TRIP4: variants seen among roughly 807,000 people sequenced by gnomAD.
TRIP4 encodes the protein thyroid hormone receptor interactor 4.
Under a neutral mutation model 81.8 loss-of-function variants are expected in TRIP4, and 54 were observed. The observed-to-expected ratio is 0.66, with a 90% CI of 0.53 to 0.83. The LOEUF is 0.83. TRIP4 is among the 40% of genes least tolerant of loss of function. The probability of loss-of-function intolerance (pLI) is 0.00; values close to 1 mark genes in which losing one functional copy is unlikely to be tolerated. For missense variants in TRIP4, 662 were observed against 683.6 expected (o/e 0.97, Z 0.35); for synonymous variants, 270 against 242.8 (o/e 1.11, Z -1.04).
intron 1 of TRIP4, among the ~76,000 whole-genome samples, chr15:64,392,170 C>T (rs1047180750): frequency 1.3e-5 from 2 of 151,292 alleles, no homozygotes; most frequent in African/African-American, 2.4e-5. Context: ...TGGTTGTGCA[C>T]GCCTGTAATC....
chr15:64,405,656 A>G (rs1891606603), intron 5 of TRIP4, among the ~76,000 whole-genome samples: 1 of 152,030 alleles, frequency 6.6e-6, no homozygotes, highest in South Asian at 2.1e-4. Context: ...CTTTTGTGAA[A>G]TTTTCTTTTT....
In TRIP4 at chr15:64,400,720, GTCTTAC is replaced by G. The variant is rs755206322; in HGVS notation, c.619-15_619-10del. On this transcript the variant is annotated splice_polypyrimidine_tract_variant and intron_variant, in intron 4 of 12. Transcript: ENST00000261884. ...ATATAATTTAACTGTTGGATCACAT[GTCTTAC>G]TCTTACTATTTTACAGGTGTGTACT... The G allele has an allele frequency of 8.8e-6, 14 of 1,592,652 alleles. No homozygotes were observed. The East Asian group carries it at 1.3e-4, about 15-fold the overall frequency.
At chr15:64,400,950 G>GGT (rs1891486461) in intron 5 of TRIP4, 129 bp downstream of exon 5, 3 of 634,372 alleles carry the variant, frequency 4.7e-6, no homozygotes, top group Non-Finnish European at 8.1e-6. Flanking sequence ...TTTTTGGGGG[G>GGT]TTTTTTTTGT....
chr15:64,401,779 A>T (rs1891515233), intron 5 of TRIP4, among the ~76,000 whole-genome samples: 1 of 152,200 alleles, frequency 6.6e-6, no homozygotes, highest in Non-Finnish European at 1.5e-5. Context: ...AGTACAAGAA[A>T]TGAAAATACT....
intron 5 of TRIP4, among the ~76,000 whole-genome samples, chr15:64,403,332 T>C (rs183348215): frequency 7.4e-4 from 112 of 151,944 alleles, no homozygotes; most frequent in African/African-American, 2.5e-3. Context: ...AAATTTTGTA[T>C]TTTTAGTAGA....
intron 4 of TRIP4, 128 bp from the exon 5 acceptor site, chr15:64,400,615 T>TA: frequency 1.5e-6 from 1 of 678,928 alleles, no homozygotes; most frequent in South Asian, 2.1e-5. Flanking sequence ...GTGTTTGGAT[T>TA]AAAAAACACC....
At chr15:64,440,364 C>T (rs1002307294) in intron 11 of TRIP4, among the ~76,000 whole-genome samples, 5 of 151,764 alleles carry the variant, frequency 3.3e-5, no homozygotes, top group Non-Finnish European at 7.4e-5. Context: ...CCAGATATCC[C>T]TTACTTGTGA....
intron 12 of TRIP4, among the ~76,000 whole-genome samples, chr15:64,451,584 A>G (rs78335824): frequency 0.021 from 2,829 of 137,372 alleles, 35 homozygotes; most frequent in Middle Eastern, 0.032. Context: ...CAATTCTCCC[A>G]CCTCAGCCTC....
At chr15:64,401,755 A>G (rs1891515064) in intron 5 of TRIP4, among the ~76,000 whole-genome samples, 1 of 152,156 alleles carries the variant, frequency 6.6e-6, no homozygotes, top group South Asian at 2.1e-4. Flanking sequence ...TTATAAAAGA[A>G]TTCCAGTTAA....
At position 64,397,788 on chromosome 15, in the gene TRIP4, C is replaced by T; in HGVS notation, c.588C>T (p.Gly196=). ...ICGRIVCEQE[G]SGPCLFCGTL... ...GGCGCATTGTCTGTGAACAAGAAGG[C>T]TCAGGCCCTTGCTTATTCTGTGGCA... Residue 196 remains glycine, a synonymous_variant, in exon 4 of 13, where the codon GGC becomes GGT. Coordinates refer to ENST00000261884, the MANE Select transcript of TRIP4 (RefSeq NM_016213.5). 1 of 1,614,250 alleles carries T rather than the reference C, an allele frequency of 6.2e-7. No homozygotes were observed. Among genetic ancestry groups the T allele is most frequent in the Non-Finnish European group, 8.5e-7 (1 of 1,180,046 alleles).
chr15:64,449,695 CT>C (rs1892711584), intron 12 of TRIP4, among the ~76,000 whole-genome samples: 1 of 151,988 alleles, frequency 6.6e-6, no homozygotes, highest in Admixed American at 6.6e-5. Flanking sequence ...ATTGTGTCTC[CT>C]CAAATTGAGA....
chr15:64,419,575 G>T (rs910357609), intron 9 of TRIP4, among the ~76,000 whole-genome samples: 1 of 151,704 alleles, frequency 6.6e-6, no homozygotes, highest in Non-Finnish European at 1.5e-5. Flanking sequence ...AGCCAGGCTG[G>T]TCTCGATCTC....
intron 3 of TRIP4, 24 bp downstream of exon 3, chr15:64,395,555 T>C (rs1162282336): frequency 6.3e-7 from 1 of 1,591,112 alleles, no homozygotes; most frequent in African/African-American, 1.3e-5. Flanking sequence ...GATTGAAGCT[T>C]TTTCTGACTA....
intron 4 of TRIP4, among the ~76,000 whole-genome samples, chr15:64,399,413 C>G (rs1260579212): frequency 1.3e-5 from 2 of 152,144 alleles, no homozygotes; most frequent in African/African-American, 4.8e-5. Context: ...GGCAGGAACT[C>G]TGTGTGTCAT....
chr15:64,390,004 A>G (rs1001075902), intron 1 of TRIP4, among the ~76,000 whole-genome samples: 3 of 148,898 alleles, frequency 2.0e-5, no homozygotes, highest in African/African-American at 7.3e-5. Context: ...GCCTGGCCCA[A>G]TTTTCACATA....
At chr15:64,399,191 A>T (rs1891428586) in intron 4 of TRIP4, among the ~76,000 whole-genome samples, 1 of 151,884 alleles carries the variant, frequency 6.6e-6, no homozygotes, top group African/African-American at 2.4e-5. Context: ...ACCTCAGGTG[A>T]TCCAACCATC....
chr15:64,393,751 A>T (rs777088289), intron 1 of TRIP4, 195 bp from the exon 2 acceptor site: 7 of 395,084 alleles, frequency 1.8e-5, no homozygotes, highest in Non-Finnish European at 3.0e-5. Context: ...TTTTTCCTAC[A>T]CATAAGTGTA....
chr15:64,442,683 T>G (rs1401127140), intron 11 of TRIP4, among the ~76,000 whole-genome samples: 1 of 151,268 alleles, frequency 6.6e-6, no homozygotes, highest in African/African-American at 2.4e-5. Context: ...CTACTACAGA[T>G]AGATCAATTA....
At chr15:64,432,634 G>T (rs935275316) in intron 11 of TRIP4, among the ~76,000 whole-genome samples, 1 of 147,966 alleles carries the variant, frequency 6.8e-6, no homozygotes, top group East Asian at 2.1e-4. Flanking sequence ...AAATACAGCC[G>T]GGCGTGGTGA....
Sources: allele counts gnomAD v4.1 joint callset (sites outside exome capture counted in the v4.1 genomes callset), GRCh38; gene constraint gnomAD v4.1.1; transcripts MANE v1.5; gene names NCBI Gene and HGNC (gene_info 2026-07-23, HGNC 2026-07-21).